RFX7: variants seen among roughly 807,000 people sequenced by gnomAD.
The protein encoded by RFX7 is regulatory factor X7, also known as DNA-binding protein RFX7.
Under a neutral mutation model 111.8 loss-of-function variants are expected in RFX7, and 26 were observed. The observed-to-expected ratio is 0.23, with a 90% CI of 0.17 to 0.32. RFX7 has a LOEUF of 0.32. Among genes scored for constraint, RFX7 ranks in the 10% least tolerant of loss-of-function variants. The pLI, the probability that RFX7 is intolerant of heterozygous loss-of-function variation, is 1.00. For missense variants in RFX7, 1,573 were observed against 1,772.9 expected (o/e 0.89, Z 2.02); for synonymous variants, 624 against 624.4 (o/e 1.00, Z 0.01).
intron 2 of RFX7, among the ~76,000 whole-genome samples, chr15:56,182,168 G>A (rs1313039318): frequency 6.6e-6 from 1 of 152,064 alleles, no homozygotes; most frequent in Non-Finnish European, 1.5e-5. Flanking sequence ...TAAATAAACT[G>A]TACTATAAAT....
intron 5 of RFX7, among the ~76,000 whole-genome samples, chr15:56,129,598 ATCTC>A (rs750975549): frequency 4.6e-5 from 7 of 152,208 alleles, no homozygotes; most frequent in Admixed American, 1.3e-4. Flanking sequence ...CATTTCTATT[ATCTC>A]TGAAAATTTT....
At chr15:56,243,040 G>GCACCCC in intron 2 of RFX7, 85 bp downstream of exon 2, 2 of 570,718 alleles carry the variant, frequency 3.5e-6, no homozygotes, top group Non-Finnish European at 6.2e-6. Context: ...CTCCTCCTCC[G>GCACCCC]CTCCCCCCGC....
chr15:56,211,933 CA>C (rs2043316752), intron 2 of RFX7, among the ~76,000 whole-genome samples: 1 of 152,070 alleles, frequency 6.6e-6, no homozygotes, highest in Non-Finnish European at 1.5e-5. Context: ...GGTGGGGATG[CA>C]AAATGGAAGA....
At chr15:56,217,596 C>G (rs1372546875) in intron 2 of RFX7, among the ~76,000 whole-genome samples, 1 of 152,074 alleles carries the variant, frequency 6.6e-6, no homozygotes, top group Admixed American at 6.5e-5. Flanking sequence ...ACTTTATATC[C>G]TTCATAATAC....
intron 3 of RFX7, among the ~76,000 whole-genome samples, chr15:56,154,546 A>C (rs966530725): frequency 2.6e-5 from 4 of 152,208 alleles, no homozygotes; most frequent in Admixed American, 2.0e-4. Context: ...TTCCCTATTT[A>C]ATAAATGGTG....
At chr15:56,132,565 T>C (rs2140994473) in intron 5 of RFX7, among the ~76,000 whole-genome samples, 1 of 152,112 alleles carries the variant, frequency 6.6e-6, no homozygotes, top group South Asian at 2.1e-4. Context: ...AAGGCTTATA[T>C]ATAAAAAATA....
intron 5 of RFX7, among the ~76,000 whole-genome samples, chr15:56,109,883 C>T (rs1176971801): frequency 3.3e-5 from 5 of 151,904 alleles, no homozygotes; most frequent in Admixed American, 1.3e-4. Context: ...GGAGTGTCTC[C>T]GCCCGGCAGC....
At chr15:56,116,964 G>A (rs1451338200) in intron 5 of RFX7, among the ~76,000 whole-genome samples, 1 of 152,094 alleles carries the variant, frequency 6.6e-6, no homozygotes, top group Non-Finnish European at 1.5e-5. Flanking sequence ...AACAAGCAAA[G>A]CTAGCCTGTG....
At chr15:56,212,057 C>T (rs746152950) in intron 2 of RFX7, among the ~76,000 whole-genome samples, 2 of 152,070 alleles carry the variant, frequency 1.3e-5, no homozygotes, top group African/African-American at 4.8e-5. Context: ...AAAACTGGTA[C>T]ACGTTTTTAG....
chr15:56,214,202 T>G (rs1262291964), intron 2 of RFX7, among the ~76,000 whole-genome samples: 1 of 152,218 alleles, frequency 6.6e-6, no homozygotes, highest in East Asian at 1.9e-4. Flanking sequence ...TTGTCCTTCT[T>G]CTTTAGGAGC....
chr15:56,197,958 A>ATGT (rs767146755), intron 2 of RFX7, among the ~76,000 whole-genome samples: 42 of 152,140 alleles, frequency 2.8e-4, no homozygotes, highest in Non-Finnish European at 5.4e-4. Flanking sequence ...GAAAATTGTG[A>ATGT]TGTTATAAAT....
chr15:56,226,480 T>A (rs1207767283), intron 2 of RFX7, among the ~76,000 whole-genome samples: 1 of 152,084 alleles, frequency 6.6e-6, no homozygotes, highest in East Asian at 1.9e-4. Context: ...CAGTACACCC[T>A]AGGGGAAATT....
chr15:56,222,743 T>G (rs942033015), intron 2 of RFX7, among the ~76,000 whole-genome samples: 2 of 152,204 alleles, frequency 1.3e-5, no homozygotes, highest in Admixed American at 6.5e-5. Flanking sequence ...TCTTTGAGCC[T>G]ATTTACCAGA....
At chr15:56,193,817 G>A (rs1333054071) in intron 2 of RFX7, among the ~76,000 whole-genome samples, 1 of 152,000 alleles carries the variant, frequency 6.6e-6, no homozygotes, top group Non-Finnish European at 1.5e-5. Context: ...AAACTATAGG[G>A]TGAAGCTAGA....
intron 2 of RFX7, among the ~76,000 whole-genome samples, chr15:56,215,677 C>T (rs1330742173): frequency 1.3e-5 from 2 of 152,138 alleles, no homozygotes; most frequent in African/African-American, 4.8e-5. Flanking sequence ...TATTTGGATA[C>T]CAAGATTATA....
chr15:56,202,202 T>C (rs1462379542), intron 2 of RFX7, among the ~76,000 whole-genome samples: 9 of 152,046 alleles, frequency 5.9e-5, no homozygotes, highest in African/African-American at 1.4e-4. Context: ...CACTATCCAA[T>C]AGAAATATAA....
At chr15:56,108,760 T>G (rs901289866) in intron 5 of RFX7, among the ~76,000 whole-genome samples, 1 of 152,174 alleles carries the variant, frequency 6.6e-6, no homozygotes, top group African/African-American at 2.4e-5. Context: ...TCAAACTGTC[T>G]CTGTCTGTAG....
intron 3 of RFX7, among the ~76,000 whole-genome samples, chr15:56,155,146 G>T (rs1332888408): frequency 1.3e-5 from 2 of 152,070 alleles, no homozygotes; most frequent in African/African-American, 4.8e-5. Flanking sequence ...GAGAGGTTGT[G>T]GAAAAATAAG....
At chr15:56,120,766 GTTT>G (rs1324996134) in intron 5 of RFX7, among the ~76,000 whole-genome samples, 4 of 152,090 alleles carry the variant, frequency 2.6e-5, no homozygotes, top group Non-Finnish European at 5.9e-5. Flanking sequence ...TCTGTTGTAT[GTTT>G]TTAGATTTGA....
Sources: allele counts gnomAD v4.1 joint callset (sites outside exome capture counted in the v4.1 genomes callset), GRCh38; gene constraint gnomAD v4.1.1; transcripts MANE v1.5; gene names NCBI Gene and HGNC (gene_info 2026-07-23, HGNC 2026-07-21).